Variants in OTUD7A observed in about 807,000 individuals in gnomAD.
The protein encoded by OTUD7A is OTU deubiquitinase 7A, also known as OTU domain-containing protein 7A.
OTUD7A carries 12 observed loss-of-function variants against 65.7 expected under a neutral mutation model. The observed-to-expected ratio is 0.18, with a 90% confidence interval of 0.12 to 0.30. OTUD7A has a LOEUF of 0.30. Among genes scored for constraint, OTUD7A ranks in the 10% least tolerant of loss-of-function variants. The pLI is 1.00. For synonymous variants in OTUD7A, 641 were observed against 586.3 expected (o/e 1.09, Z -1.35); for missense variants, 1,148 against 1,304.8 (o/e 0.88, Z 1.85).
chr15:31,813,055 T>C (rs759409671), intron 1 of OTUD7A, among the ~76,000 whole-genome samples: 4 of 152,104 alleles, frequency 2.6e-5, no homozygotes, highest in Non-Finnish European at 4.4e-5. Flanking sequence ...ACAGAGAAGG[T>C]AGAAGCAAGA....
intron 8 of OTUD7A, among the ~76,000 whole-genome samples, chr15:31,516,578 C>G (rs377082252): frequency 3.3e-5 from 5 of 152,276 alleles, no homozygotes; most frequent in South Asian, 2.1e-4. Flanking sequence ...AGAAACAAAA[C>G]AGCAGAGGTT....
rs573718916 is a variant in OTUD7A, at chr15:31,478,488, A to C, written c.*4806T>G. 3 of 152,312 alleles carry C rather than the reference A, an allele frequency of 2.0e-5. No homozygotes were observed. The East Asian group carries it at 5.8e-4, about 29-fold the overall frequency. The allele number at this position is 152,312 out of a possible 1,614,324, so 9.4% of individuals were successfully genotyped here. ...AATAGCAAAAATGCAATTTTCAACAAATCATTTGGCAAAATAAATAGAAAC... is the reference window on the plus strand; with the variant it reads ...AATAGCAAAAATGCAATTTTCAACACATCATTTGGCAAAATAAATAGAAAC... On this transcript the variant is annotated 3_prime_UTR_variant, in exon 13 of 13. Transcript: ENST00000307050.
chr15:31,554,587 G>A (rs1048220379), intron 5 of OTUD7A, among the ~76,000 whole-genome samples: 7 of 152,174 alleles, frequency 4.6e-5, no homozygotes, highest in African/African-American at 1.2e-4. Flanking sequence ...TCAAAGGTGT[G>A]CCTAGAGATT....
At chr15:31,827,168 G>C (rs562865382) in intron 1 of OTUD7A, among the ~76,000 whole-genome samples, 1 of 152,172 alleles carries the variant, frequency 6.6e-6, no homozygotes, top group African/African-American at 2.4e-5. Context: ...TCACACTGCT[G>C]ATAAAGACAT....
rs144909804 is a variant in OTUD7A at position 31,610,980 on chromosome 15, T to A, written c.152-40783A>T. ...CTGTCAGACCACCCTGGAATCAAAC[T>A]GGAAATCAACTCCAAAAGGAACCTT... On this transcript the variant is annotated intron_variant, in intron 3 of 12. Transcript: ENST00000307050. Among the ~76,000 whole-genome samples the A allele has an allele frequency of 3.3e-3, 509 of 151,978 alleles. 3 individuals carry two copies. Among genetic ancestry groups the A allele is most frequent in the African/African-American group, 0.012 (492 of 41,432 alleles).
At chr15:31,853,317 C>T (rs1348222349) in intron 1 of OTUD7A, among the ~76,000 whole-genome samples, 1 of 152,212 alleles carries the variant, frequency 6.6e-6, no homozygotes, top group African/African-American at 2.4e-5. Flanking sequence ...AGCAAACAAT[C>T]TACTCCTCCA....
chr15:31,624,744 C>T (rs1315539796), intron 3 of OTUD7A, among the ~76,000 whole-genome samples: 9 of 152,100 alleles, frequency 5.9e-5, no homozygotes, highest in African/African-American at 2.2e-4. Flanking sequence ...CCCCAGCAGG[C>T]CAGAGAAGGG....
rs2041037038 is a variant in OTUD7A at position 31,477,209 on chromosome 15, T to G, written c.*6085A>C. ...CTTGCTTTGGTGGCTGGAGGATGAG[T>G]CCTTCTAATGGTCAGGTGGACTTTC... On this transcript the variant is annotated 3_prime_UTR_variant, in exon 13 of 13. Coordinates refer to ENST00000307050, the MANE Select transcript of OTUD7A (RefSeq NM_001382637.1). 1 of 152,264 alleles carries G rather than the reference T, an allele frequency of 6.6e-6. No individual in the cohort carries two copies. The highest frequency in any genetic ancestry group is 2.4e-5 in the African/African-American group (1 of 41,432). 9.4% of individuals were successfully genotyped at this position (152,264 alleles called of 1,614,324 possible). A position where few individuals can be genotyped will look rare whatever the true frequency, so the allele number is the denominator to read the frequency against.
chr15:31,559,487 T>C (rs1888615850), intron 4 of OTUD7A, among the ~76,000 whole-genome samples: 1 of 151,998 alleles, frequency 6.6e-6, no homozygotes, highest in Non-Finnish European at 1.5e-5. Context: ...CACATACGCA[T>C]ACACACACAT....
intron 1 of OTUD7A, among the ~76,000 whole-genome samples, chr15:31,667,846 T>C (rs1479878768): frequency 1.3e-5 from 2 of 152,200 alleles, no homozygotes; most frequent in African/African-American, 4.8e-5. Flanking sequence ...GGTGGCTTGG[T>C]AGTGGTCAAT....
intron 3 of OTUD7A, among the ~76,000 whole-genome samples, chr15:31,583,448 C>T (rs774633071): frequency 3.0e-4 from 46 of 152,236 alleles, no homozygotes; most frequent in Admixed American, 7.8e-4. Flanking sequence ...CCACCCAAAT[C>T]TCATCTTGAA....
chr15:31,589,305 T>C (rs867126651), intron 3 of OTUD7A, among the ~76,000 whole-genome samples: 1 of 74,276 alleles, frequency 1.3e-5, no homozygotes, highest in Non-Finnish European at 2.4e-5. Flanking sequence ...TTTTCTGGGT[T>C]TTTTTTTTTT....
Position 31,529,518 on chromosome 15 carries a change from G to T in OTUD7A, c.652+1189C>A, listed in dbSNP as rs186304702. ...CTGATTTTCATTTTCTCACCATGGT[G>T]AATGTGGAGTACTTTTGCAATGCCA... On this transcript the variant is annotated intron_variant, in intron 6 of 12. Coordinates refer to ENST00000307050, the MANE Select transcript of OTUD7A (RefSeq NM_001382637.1). 3.1e-3 allele frequency among the ~76,000 whole-genome samples: 475 copies of T among 152,300 alleles called. 5 individuals are homozygous for T. Among genetic ancestry groups the T allele is most frequent in the African/African-American group, 0.011 (463 of 41,566 alleles).
At chr15:31,666,184 G>T (rs1267879683) in intron 1 of OTUD7A, among the ~76,000 whole-genome samples, 1 of 152,054 alleles carries the variant, frequency 6.6e-6, no homozygotes, top group Non-Finnish European at 1.5e-5. Context: ...AATGAATTAG[G>T]GAGGCTTTCT....
At chr15:31,613,215 C>G (rs1041156995) in intron 3 of OTUD7A, among the ~76,000 whole-genome samples, 4 of 152,136 alleles carry the variant, frequency 2.6e-5, no homozygotes, top group Non-Finnish European at 4.4e-5. Context: ...TTGGAAAACC[C>G]CTTCTAGACA....
intron 1 of OTUD7A, among the ~76,000 whole-genome samples, chr15:31,801,825 GATAA>G (rs1200720261): frequency 6.6e-6 from 1 of 152,058 alleles, no homozygotes; most frequent in Non-Finnish European, 1.5e-5. Flanking sequence ...ATACTGTCAT[GATAA>G]ATAAATGTAA....
rs571921819 is a variant in OTUD7A, at chr15:31,644,252, T to C, written c.151+10844A>G. On this transcript the variant is annotated intron_variant, in intron 3 of 12. Transcript: ENST00000307050. ...AAAACCCTTGCATTTCACTGCTGAA[T>C]GGCAACGCTTTTGGGGATCCCTCTC... Among the ~76,000 whole-genome samples, 18 of 152,300 alleles carry C rather than the reference T, an allele frequency of 1.2e-4. No individual in the cohort carries two copies. The South Asian group carries it at 2.9e-3, about 25-fold the overall frequency.
At chr15:31,624,044 C>A (rs1890880845) in intron 3 of OTUD7A, among the ~76,000 whole-genome samples, 1 of 152,180 alleles carries the variant, frequency 6.6e-6, no homozygotes, top group Non-Finnish European at 1.5e-5. Flanking sequence ...TTGACTTTGT[C>A]TTATTGGCTT....
intron 1 of OTUD7A, chr15:31,787,415 A>G (rs1437103657): frequency 1.3e-5 from 2 of 152,226 alleles, no homozygotes; most frequent in Non-Finnish European, 2.9e-5. Flanking sequence ...TTATAAAAAT[A>G]TACATCTCCT....
Sources: gnomAD v4.1 joint callset for allele counts (sites outside exome capture counted in the v4.1 genomes callset) on GRCh38, gnomAD v4.1.1 for gene constraint, MANE v1.5 for transcripts, NCBI Gene and HGNC (gene_info 2026-07-23, HGNC 2026-07-21) for gene names.